Variants in ARL6IP6 observed in about 807,000 individuals in gnomAD.
ARL6IP6 encodes ADP-ribosylation factor-like protein 6-interacting protein 6.
In ARL6IP6, 22 loss-of-function variants were observed where a neutral mutation model predicts 21.5. The ratio of observed to expected loss-of-function variants is 1.02; its 90% CI spans 0.73 to 1.46. The LOEUF (loss-of-function observed/expected upper bound fraction) is 1.46. Ranked by LOEUF, ARL6IP6 falls within the 40% of genes most tolerant of loss-of-function variation. The pLI is 0.00. For missense variants in ARL6IP6, 388 were observed against 299.8 expected, an observed-to-expected ratio of 1.29 and a Z score of -2.17; for synonymous variants, 164 against 125.3, an observed-to-expected ratio of 1.31 and a Z score of -2.06.
chr2:152,720,539 A>T lies in ARL6IP6; in HGVS notation c.407A>T (p.His136Leu). Residue 136 changes from histidine (H) to leucine (L), a missense_variant, in exon 2 of 4, where the codon CAT becomes CTT. His to Leu is a moderately conservative substitution (Grantham distance 99). Transcript: ENST00000326446. ...TCCCTCTTTGTATTTGCAGAGTTGC[A>T]TGCTGAGAATTTGAAAAATGAAGAT... ...AIAYLIVKEL[H>L]AENLKNEDDV... 6.2e-7 allele frequency: 1 copy of T among 1,613,828 alleles called. No individual in the cohort carries two copies.
intron 3 of ARL6IP6, among the ~76,000 whole-genome samples, chr2:152,747,088 C>T (rs1274127994): frequency 6.6e-6 from 1 of 152,010 alleles, no homozygotes; most frequent in East Asian, 1.9e-4. Context: ...GCCTAGTCTC[C>T]CAAGGCACTG....
At chr2:152,738,013 C>G (rs1479126451) in intron 3 of ARL6IP6, among the ~76,000 whole-genome samples, 3 of 152,152 alleles carry the variant, frequency 2.0e-5, no homozygotes, top group Non-Finnish European at 4.4e-5. Flanking sequence ...TTAATTACTT[C>G]CAAGATAACA....
At chr2:152,743,692 A>G (rs1323016600) in intron 3 of ARL6IP6, among the ~76,000 whole-genome samples, 1 of 152,200 alleles carries the variant, frequency 6.6e-6, no homozygotes, top group Non-Finnish European at 1.5e-5. Context: ...AGGAGGAAAA[A>G]AAATCAATGC....
chr2:152,741,399 T>C (rs1306036231), intron 3 of ARL6IP6, among the ~76,000 whole-genome samples: 1 of 128,230 alleles, frequency 7.8e-6, no homozygotes, highest in Non-Finnish European at 1.5e-5. Context: ...AGTACCTGGG[T>C]TTTTTTTTTT....
intron 3 of ARL6IP6, among the ~76,000 whole-genome samples, chr2:152,751,085 C>T (rs1701307078): frequency 6.6e-6 from 1 of 152,044 alleles, no homozygotes. Context: ...TTCAGTAATG[C>T]AGTTTTATCT....
At chr2:152,724,793 A>G (rs918050826) in intron 2 of ARL6IP6, among the ~76,000 whole-genome samples, 3 of 152,100 alleles carry the variant, frequency 2.0e-5, no homozygotes, top group Non-Finnish European at 4.4e-5. Context: ...GGAGCCCAAG[A>G]ATTTTCATTT....
At position 152,753,178 on chromosome 2, in the gene ARL6IP6, A is replaced by G. The variant is rs1410645715; in HGVS notation, c.588-6569A>G. Among the ~76,000 whole-genome samples, 3 of 152,174 alleles carry G rather than the reference A, an allele frequency of 2.0e-5. No homozygotes were observed. In the East Asian group the frequency reaches 5.8e-4, roughly 29 times the overall value. On this transcript the variant is annotated intron_variant, in intron 3 of 3. Coordinates refer to ENST00000326446, the MANE Select transcript of ARL6IP6 (RefSeq NM_152522.7). ...AGCAGGAGACTGAAAGGAAGCCACC[A>G]TTCTTTTTACTCCATGTAGATATGA...
Position 152,759,784 on chromosome 2 carries a change from A to G in ARL6IP6, c.625A>G (p.Met209Val), listed in dbSNP as rs769480444. The change falls in exon 4 of 4, where the codon ATG (methionine) becomes GTG (valine). Residue 209 changes from methionine (M) to valine (V), a missense_variant. Transcript: ENST00000326446. ...TGHSFHMGYSMAILNGIVAAL... is the reference protein window; with the variant it reads ...TGHSFHMGYSVAILNGIVAAL... ...ACATTCTTTCCACATGGGCTATAGC[A>G]TGGCGATTTTGAATGGCATCGTAGC... 9 of 1,613,344 alleles carry G rather than the reference A, an allele frequency of 5.6e-6. No homozygotes were observed. The East Asian group carries it at 1.1e-4, about 20-fold the overall frequency.
chr2:152,749,314 AAC>A (rs3080693), intron 3 of ARL6IP6, among the ~76,000 whole-genome samples: 2,241 of 150,220 alleles, frequency 0.015, 31 homozygotes, highest in Non-Finnish European at 0.024. Flanking sequence ...CACACACAAA[AAC>A]ACACACACAC....
chr2:152,737,294 C>T (rs558020489), intron 3 of ARL6IP6, among the ~76,000 whole-genome samples: 4 of 152,200 alleles, frequency 2.6e-5, no homozygotes, highest in South Asian at 2.1e-4. Flanking sequence ...ACCACTGTCA[C>T]GATTCATTAA....
At chr2:152,751,526 G>A (rs545283954) in intron 3 of ARL6IP6, among the ~76,000 whole-genome samples, 4 of 151,816 alleles carry the variant, frequency 2.6e-5, no homozygotes, top group South Asian at 2.1e-4. Context: ...TTTCTTCCCC[G>A]GCTACCCCAC....
At chr2:152,733,213 T>A in intron 2 of ARL6IP6, among the ~76,000 whole-genome samples, 1 of 152,166 alleles carries the variant, frequency 6.6e-6, no homozygotes. Flanking sequence ...CATTTTTTAT[T>A]AATCTATTTG....
rs112189535 is a variant in ARL6IP6, at chr2:152,760,033, A to G, written c.*193A>G. The stretch of plus-strand genomic sequence containing the variant: ...TTAGAATGTCTGAGTATTAAGATAC[A>G]GATTAATTGGGAATATCTGAGTATT... On this transcript the variant is annotated 3_prime_UTR_variant, in exon 4 of 4. Transcript: ENST00000326446. 18 of 497,624 alleles carry G rather than the reference A, an allele frequency of 3.6e-5. No homozygotes were observed. Among genetic ancestry groups the G allele is most frequent in the Non-Finnish European group, 1.4e-5 (4 of 279,516 alleles). The allele number at this position is 497,624 out of a possible 1,614,324, so 30.8% of individuals were successfully genotyped here.
At chr2:152,725,026 A>C (rs768684608) in intron 2 of ARL6IP6, among the ~76,000 whole-genome samples, 1 of 152,328 alleles carries the variant, frequency 6.6e-6, no homozygotes, top group Non-Finnish European at 1.5e-5. Flanking sequence ...TACACTGTAC[A>C]ATCAGGGCTC....
At chr2:152,719,750 G>GAA (rs11328553) in intron 1 of ARL6IP6, 81 of 255,140 alleles carry the variant, frequency 3.2e-4, no homozygotes, top group East Asian at 7.1e-4. Context: ...CCAAGTTACT[G>GAA]AAAAAAAAAA....
At chr2:152,717,656 A>T, upstream of ARL6IP6, 4 of 1,413,044 alleles carry the variant, frequency 2.8e-6, no homozygotes, top group Non-Finnish European at 3.7e-6. Context: ...AGGAGGACGG[A>T]GGAAGTTTCT....
intron 2 of ARL6IP6, among the ~76,000 whole-genome samples, chr2:152,729,330 T>TTGTGTGTG (rs1460387959): frequency 3.5e-5 from 2 of 57,470 alleles, no homozygotes; most frequent in African/African-American, 1.4e-4. Context: ...GAGCCAGACT[T>TTGTGTGTG]TGTCTGTGTG....
chr2:152,744,885 GAGAA>G (rs1208291046), intron 3 of ARL6IP6, among the ~76,000 whole-genome samples: 1 of 152,156 alleles, frequency 6.6e-6, no homozygotes, highest in African/African-American at 2.4e-5. Context: ...AATTGTAAGT[GAGAA>G]AGAAAAGGGA....
chr2:152,724,749 A>G (rs770636549), intron 2 of ARL6IP6, among the ~76,000 whole-genome samples: 1 of 152,186 alleles, frequency 6.6e-6, no homozygotes, highest in Non-Finnish European at 1.5e-5. Flanking sequence ...TGCTCTTCAC[A>G]TGGTGCAGAA....
Sources: gnomAD v4.1 joint callset for allele counts (sites outside exome capture counted in the v4.1 genomes callset) on GRCh38, gnomAD v4.1.1 for gene constraint, MANE v1.5 for transcripts, NCBI Gene and HGNC (gene_info 2026-07-23, HGNC 2026-07-21) for gene names.